The following PAQR7 variants were observed in gnomAD, a reference collection of about 807,000 sequenced individuals.
The protein encoded by PAQR7 is progestin and adipoQ receptor family member 7.
In PAQR7, 14 loss-of-function variants were observed where a neutral mutation model predicts 24.6. That is an observed-to-expected ratio of 0.57 (90% CI 0.38 to 0.89). The LOEUF (loss-of-function observed/expected upper bound fraction) is 0.89. Among genes scored for constraint, PAQR7 ranks in the 40% least tolerant of loss-of-function variants. PAQR7 has a pLI of 0.00. For missense variants in PAQR7, 351 were observed against 444.0 expected (o/e 0.79, Z 1.88); for synonymous variants, 189 against 198.8 (o/e 0.95, Z 0.42).
Position 25,863,928 on chromosome 1 carries a change from G to C in PAQR7, c.-22-67C>G. The C allele has an allele frequency of 8.0e-7, 1 of 1,256,398 alleles. No individual in the cohort carries two copies. Among genetic ancestry groups the C allele is most frequent in the Non-Finnish European group, 1.1e-6 (1 of 914,412 alleles). The allele number at this position is 1,256,398 out of a possible 1,614,324, so 77.8% of individuals were successfully genotyped here. On this transcript the variant is annotated intron_variant, in intron 2 of 2. Transcript: ENST00000675840. This position sits in a 1 kb window ranked among gnomAD's most constrained non-coding sequence, Gnocchi z 6.1. ...CACCCCCACGAGCAGCAGCTGGGGGGCTCTGATGCCCAAATCCTACTCCCT... is the reference window on the plus strand; with the variant it reads ...CACCCCCACGAGCAGCAGCTGGGGGCCTCTGATGCCCAAATCCTACTCCCT...
chr1:25,874,183 T>A (rs1384161864), intron 1 of PAQR7, among the ~76,000 whole-genome samples: 1 of 29,176 alleles, frequency 3.4e-5, no homozygotes. Flanking sequence ...ATGCCCAGAC[T>A]TTTTTTTTTT....
chr1:25,873,876 C>A (rs1198846293), intron 1 of PAQR7, among the ~76,000 whole-genome samples: 1 of 151,896 alleles, frequency 6.6e-6, no homozygotes, highest in African/African-American at 2.4e-5. Flanking sequence ...CAGCCTAATT[C>A]TTTTCTTTTC....
intron 1 of PAQR7, among the ~76,000 whole-genome samples, chr1:25,874,291 C>T (rs1205567672): frequency 6.6e-6 from 1 of 152,054 alleles, no homozygotes; most frequent in Non-Finnish European, 1.5e-5. Context: ...GCCATCCTCT[C>T]ACCTCAGCCT....
In PAQR7 at chr1:25,863,360, A is replaced by C; in HGVS notation, c.480T>G (p.Tyr160Ter). Residue 160 changes from tyrosine to a stop codon, truncating the protein, a stop_gained, in exon 3 of 3, where the codon TAT (tyrosine) becomes TAG (stop). Transcript: ENST00000675840. LOFTEE classifies it high-confidence loss of function. This position sits in a 1 kb window ranked among gnomAD's most constrained non-coding sequence, Gnocchi z 6.1. Reference sequence around the variant, plus strand: ...GGGCATGCCAGGCGGGCTCGATAGCATAGTAGAAGTGTGCCAAGGCACTGC... The same window carrying C: ...GGGCATGCCAGGCGGGCTCGATAGCCTAGTAGAAGTGTGCCAAGGCACTGC... ...QFGSALAHFY[Y>*]AIEPAWHAQV... 6.2e-7 allele frequency: 1 copy of C among 1,614,242 alleles called. No individual in the cohort carries two copies. Among genetic ancestry groups the C allele is most frequent in the Non-Finnish European group, 8.5e-7 (1 of 1,180,052 alleles).
chr1:25,874,890 T>C (rs2048636451), intron 1 of PAQR7, among the ~76,000 whole-genome samples: 1 of 152,168 alleles, frequency 6.6e-6, no homozygotes, highest in African/African-American at 2.4e-5. Flanking sequence ...CTTGGGCCCA[T>C]GGAGCAAGTG....
Position 25,862,964 on chromosome 1 carries a change from A to G in PAQR7, c.876T>C (p.Ala292=), listed in dbSNP as rs1242582406. 1.2e-6 allele frequency: 2 copies of G among 1,614,186 alleles called. No individual in the cohort carries two copies. Among genetic ancestry groups the G allele is most frequent in the Admixed American group, 1.7e-5 (1 of 60,018 alleles). Residue 292 remains alanine, a synonymous_variant, in exon 3 of 3, where the codon GCT becomes GCC. Transcript: ENST00000675840. ...GTCGGGCCTCATAGTCCAGTGCCAC[A>G]GCCTCCAGCTGAGCCAGCGTGCACA... The part of the protein sequence containing the change: ...LVLCTLAQLE[A]VALDYEARRP...
At chr1:25,866,889 C>T (rs1164656515) in intron 2 of PAQR7, among the ~76,000 whole-genome samples, 3 of 152,184 alleles carry the variant, frequency 2.0e-5, no homozygotes, top group Admixed American at 6.5e-5. Context: ...CCCGCCACCA[C>T]GCCCAGCTAA....
chr1:25,873,444 C>T (rs2048620665), intron 1 of PAQR7, among the ~76,000 whole-genome samples: 1 of 152,154 alleles, frequency 6.6e-6, no homozygotes, highest in Non-Finnish European at 1.5e-5. Flanking sequence ...AACTCCCCAA[C>T]TTGGTCCAAA....
chr1:25,874,574 C>A (rs1445383776), intron 1 of PAQR7, among the ~76,000 whole-genome samples: 1 of 152,204 alleles, frequency 6.6e-6, no homozygotes, highest in East Asian at 1.9e-4. Context: ...AGAGGTAGCA[C>A]AGGCCTCATG....
rs2048606748 is a variant in PAQR7, at chr1:25,871,656, C to T, written c.-108-962G>A. On this transcript the variant is annotated intron_variant, in intron 1 of 2. Transcript: ENST00000675840. ...CCCCAGCCTGCTCTCCAAGGATACACACTGTCAAAGGTTCCCATAACACCC... is the reference window on the plus strand; with the variant it reads ...CCCCAGCCTGCTCTCCAAGGATACATACTGTCAAAGGTTCCCATAACACCC... 2.0e-5 allele frequency among the ~76,000 whole-genome samples: 3 copies of T among 152,310 alleles called. 1 individual carries two copies. The South Asian group carries it at 6.2e-4, about 32-fold the overall frequency.
chr1:25,863,827 G>GGGCCAT lies in PAQR7; in HGVS notation c.7_12dup (p.Met3_Ala4dup). 3 of 1,612,108 alleles carry GGGCCAT rather than the reference G, an allele frequency of 1.9e-6. No homozygotes were observed. The South Asian group carries it at 3.3e-5, about 18-fold the overall frequency. ...CTCGGCAGGAGGTGGCTGAGTTTCT[G>GGGCCAT]GGCCATGGCCATGGCTGTGGGCCTG... On this transcript the variant is annotated inframe_insertion, in exon 3 of 3. Transcript: ENST00000675840. The surrounding 1 kb of genome is among the most constrained non-coding windows in gnomAD (Gnocchi z 6.1).
At position 25,863,457 on chromosome 1, in the gene PAQR7, T is replaced by TG; in HGVS notation, c.382dup (p.Gln128ProfsTer5). ...GTAATGCCAGAACTCAGACTTGGCCTGCAGGAGGTGAGCCAAGGCACTGAA... is the reference window on the plus strand; with the variant it reads ...GTAATGCCAGAACTCAGACTTGGCCTGGCAGGAGGTGAGCCAAGGCACTGAA... On this transcript the variant is annotated frameshift_variant, in exon 3 of 3. Transcript: ENST00000675840. LOFTEE classifies it high-confidence loss of function. The surrounding 1 kb of genome is among the most constrained non-coding windows in gnomAD (Gnocchi z 6.1). The TG allele has an allele frequency of 6.2e-7, 1 of 1,614,160 alleles. No individual in the cohort carries two copies. Among genetic ancestry groups the TG allele is most frequent in the Non-Finnish European group, 8.5e-7 (1 of 1,180,012 alleles).
At position 25,862,551 on chromosome 1, in the gene PAQR7, C is replaced by T. The variant is rs2048519729; in HGVS notation, c.*248G>A. 2.0e-6 allele frequency: 1 copy of T among 493,760 alleles called. No homozygotes were observed. The allele number at this position is 493,760 out of a possible 1,614,324, so 30.6% of individuals were successfully genotyped here. On this transcript the variant is annotated 3_prime_UTR_variant, in exon 3 of 3. Coordinates refer to ENST00000675840, the MANE Select transcript of PAQR7 (RefSeq NM_178422.6). ...AGTGGAAGGGCAAGCTGGAGTGGCC[C>T]ACACCGTTAACTCTTTCCCTCTCCC...
rs1204910519 is a variant in PAQR7, at chr1:25,875,609, G to A, written c.-230C>T. On this transcript the variant is annotated 5_prime_UTR_variant, in exon 1 of 3. Coordinates refer to ENST00000675840, the MANE Select transcript of PAQR7 (RefSeq NM_178422.6). This position sits in a 1 kb window ranked among gnomAD's most constrained non-coding sequence, Gnocchi z 5.4. ...GAGGGCGGGCGGCCTCGGGCGCTCTGGCTACAGCCGCCTCCGCGGGCCCAG... is the reference window on the plus strand; with the variant it reads ...GAGGGCGGGCGGCCTCGGGCGCTCTAGCTACAGCCGCCTCCGCGGGCCCAG... Among the ~76,000 whole-genome samples the A allele has an allele frequency of 6.6e-6, 1 of 150,670 alleles. No individual in the cohort carries two copies. Among genetic ancestry groups the A allele is most frequent in the Non-Finnish European group, 1.5e-5 (1 of 67,516 alleles).
intron 2 of PAQR7, among the ~76,000 whole-genome samples, chr1:25,867,801 C>T (rs1250873967): frequency 1.3e-5 from 2 of 152,226 alleles, no homozygotes; most frequent in African/African-American, 4.8e-5. Flanking sequence ...TAAGCTCCTC[C>T]TGCATTAGGA....
In PAQR7 at chr1:25,863,888, G is replaced by T; in HGVS notation, c.-22-27C>A. ...TGGGAGAGAGACCAGAGCAAAGTCAGGGGCCTGGTGTCCTCACCCCCACGA... is the reference window on the plus strand; with the variant it reads ...TGGGAGAGAGACCAGAGCAAAGTCATGGGCCTGGTGTCCTCACCCCCACGA... On this transcript the variant is annotated intron_variant, in intron 2 of 2. Transcript: ENST00000675840. This position sits in a 1 kb window ranked among gnomAD's most constrained non-coding sequence, Gnocchi z 6.1. 6.5e-7 allele frequency: 1 copy of T among 1,537,036 alleles called. No individual in the cohort carries two copies. The highest frequency in any genetic ancestry group is 2.3e-5 in the East Asian group (1 of 44,238).
chr1:25,875,557 G>A lies in PAQR7; in HGVS notation c.-178C>T, dbSNP rs899547837. Among the ~76,000 whole-genome samples the A allele has an allele frequency of 6.6e-6, 1 of 151,882 alleles. No homozygotes were observed. The highest frequency in any genetic ancestry group is 6.5e-5 in the Admixed American group (1 of 15,282). ...GGAGCTGGCAGATAAAAGAGCAGCC[G>A]GGCAGCGGCCCCGCCCCAAGCCGGG... On this transcript the variant is annotated 5_prime_UTR_variant, in exon 1 of 3. Coordinates refer to ENST00000675840, the MANE Select transcript of PAQR7 (RefSeq NM_178422.6). This position sits in a 1 kb window ranked among gnomAD's most constrained non-coding sequence, Gnocchi z 5.4.
chr1:25,864,746 G>A (rs2048542833), intron 2 of PAQR7, among the ~76,000 whole-genome samples: 1 of 152,128 alleles, frequency 6.6e-6, no homozygotes, highest in Non-Finnish European at 1.5e-5. Context: ...AGCTACTGGA[G>A]AGGCTGGGGC....
intron 2 of PAQR7, among the ~76,000 whole-genome samples, chr1:25,867,565 A>G (rs915225524): frequency 6.6e-6 from 1 of 152,162 alleles, no homozygotes; most frequent in African/African-American, 2.4e-5. Context: ...GGTTCATCAG[A>G]TATTTATTGT....
Sources: allele counts gnomAD v4.1 joint callset (sites outside exome capture counted in the v4.1 genomes callset), GRCh38; gene constraint gnomAD v4.1.1; non-coding constraint Gnocchi (gnomAD v3.1); transcripts MANE v1.5; gene names NCBI Gene and HGNC (gene_info 2026-07-23, HGNC 2026-07-21).